HDAC4: variants seen among roughly 807,000 people sequenced by gnomAD.
HDAC4 encodes histone deacetylase 4.
HDAC4 carries 16 observed loss-of-function variants against 135.1 expected under a neutral mutation model. That is an observed-to-expected ratio of 0.12 (90% confidence interval 0.08 to 0.18). The LOEUF (loss-of-function observed/expected upper bound fraction) is 0.18, where lower values mean the gene tolerates loss of function less well. Among genes scored for constraint, HDAC4 ranks in the 10% least tolerant of loss-of-function variants. The pLI is 1.00. For missense variants in HDAC4, 1,143 were observed against 1,511.8 expected (o/e 0.76, Z 4.05); for synonymous variants, 685 against 653.4 (o/e 1.05, Z -0.74).
Position 239,146,411 on chromosome 2 carries a change from G to A in HDAC4, c.734-1697C>T, listed in dbSNP as rs1461719900. Among the ~76,000 whole-genome samples the A allele has an allele frequency of 2.0e-5, 3 of 152,310 alleles. No individual in the cohort carries two copies. The East Asian group carries it at 5.8e-4, about 29-fold the overall frequency. Reference sequence around the variant, plus strand: ...GTGTGTGCCCACAGAAGAGCACAGGGTCCCTGGCCCTGTGTGAAAGGTCTT... The same window carrying A: ...GTGTGTGCCCACAGAAGAGCACAGGATCCCTGGCCCTGTGTGAAAGGTCTT... On this transcript the variant is annotated intron_variant, in intron 7 of 26. Coordinates refer to ENST00000543185, the MANE Select transcript of HDAC4 (RefSeq NM_001378414.1). The surrounding 1 kb of genome is among the most constrained non-coding windows in gnomAD (Gnocchi z 4.5).
intron 3 of HDAC4, chr2:239,190,848 A>C (rs1210017808): frequency 9.7e-6 from 4 of 413,130 alleles, no homozygotes; most frequent in Non-Finnish European, 2.0e-5. Context: ...ATCAATACCA[A>C]ATGAAAGTGA....
chr2:239,071,260 A>T (rs1273219342), intron 22 of HDAC4, among the ~76,000 whole-genome samples: 1 of 152,100 alleles, frequency 6.6e-6, no homozygotes, highest in Non-Finnish European at 1.5e-5. Context: ...TCCACTAAAA[A>T]TACAAAAATC....
At chr2:239,092,341 C>G (rs1449352382) in intron 17 of HDAC4, among the ~76,000 whole-genome samples, 1 of 152,108 alleles carries the variant, frequency 6.6e-6, no homozygotes, top group Non-Finnish European at 1.5e-5. Flanking sequence ...CCAGCAGAGG[C>G]GGGGTCCCAG....
chr2:239,165,491 T>C (rs2043069597), intron 5 of HDAC4, among the ~76,000 whole-genome samples: 1 of 152,178 alleles, frequency 6.6e-6, no homozygotes, highest in Non-Finnish European at 1.5e-5. Flanking sequence ...TCTGTGTGTG[T>C]GTGTGTGTTT....
intron 1 of HDAC4, among the ~76,000 whole-genome samples, chr2:239,365,543 A>G (rs1694133856): frequency 6.6e-6 from 1 of 152,246 alleles, no homozygotes; most frequent in Admixed American, 6.5e-5. Context: ...GGGAGCCAGC[A>G]AGGCTAGGTC....
intron 24 of HDAC4, among the ~76,000 whole-genome samples, chr2:239,063,759 G>A (rs1477985449): frequency 1.3e-5 from 2 of 152,188 alleles, no homozygotes; most frequent in Admixed American, 1.3e-4. Flanking sequence ...CTGACCCCCA[G>A]GGTCACCCTG....
At chr2:239,242,536 T>C (rs893294607) in intron 2 of HDAC4, among the ~76,000 whole-genome samples, 7 of 152,244 alleles carry the variant, frequency 4.6e-5, no homozygotes, top group African/African-American at 1.7e-4. Context: ...ATTTCAATCA[T>C]TTTTCTGTAG....
intron 7 of HDAC4, among the ~76,000 whole-genome samples, chr2:239,150,722 C>T (rs1329731703): frequency 2.1e-5 from 3 of 144,192 alleles, no homozygotes; most frequent in Non-Finnish European, 3.0e-5. Context: ...GGAAGTCTCA[C>T]CACGCTGCAC....
chr2:239,253,634 T>A (rs1441469881), intron 2 of HDAC4, among the ~76,000 whole-genome samples: 1 of 152,176 alleles, frequency 6.6e-6, no homozygotes, highest in Non-Finnish European at 1.5e-5. Context: ...TCGATAAGGA[T>A]CCCTCGCTTC....
At chr2:239,095,098 C>T (rs746976959) in intron 16 of HDAC4, 42 bp from the exon 17 acceptor site, 31 of 1,611,538 alleles carry the variant, frequency 1.9e-5, no homozygotes, top group East Asian at 4.5e-5. Flanking sequence ...CAAGGGCACG[C>T]GGCCAAGGTG....
chr2:239,150,096 T>C (rs2042015129), intron 7 of HDAC4, among the ~76,000 whole-genome samples: 1 of 151,984 alleles, frequency 6.6e-6, no homozygotes, highest in African/African-American at 2.4e-5. Flanking sequence ...TACGTAAAAA[T>C]GGAATAATGG....
intron 15 of HDAC4, among the ~76,000 whole-genome samples, 162 bp downstream of exon 15, chr2:239,107,888 C>A (rs574078135): frequency 1.3e-5 from 2 of 152,234 alleles, no homozygotes; most frequent in African/African-American, 4.8e-5. Flanking sequence ...AGATAGCTGC[C>A]CGCCCAAATG....
Position 239,124,969 on chromosome 2 carries a change from G to A in HDAC4, c.1533+1487C>T, listed in dbSNP as rs561868269. Among the ~76,000 whole-genome samples the A allele has an allele frequency of 1.0e-4, 15 of 150,746 alleles. No homozygotes were observed. The East Asian group carries it at 2.7e-3, about 27-fold the overall frequency. On this transcript the variant is annotated intron_variant, in intron 12 of 26. Coordinates refer to ENST00000543185, the MANE Select transcript of HDAC4 (RefSeq NM_001378414.1). Reference sequence around the variant, plus strand: ...ATTCCACGTTATGTGACATTCTGGTGTGCTGGCGTGTGGCCGCGTTATATG... The same window carrying A: ...ATTCCACGTTATGTGACATTCTGGTATGCTGGCGTGTGGCCGCGTTATATG...
At chr2:239,199,946 G>C (rs1266765987) in intron 3 of HDAC4, among the ~76,000 whole-genome samples, 1 of 152,072 alleles carries the variant, frequency 6.6e-6, no homozygotes, top group Non-Finnish European at 1.5e-5. Flanking sequence ...CACCGTGTTG[G>C]CCAGGATGGT....
chr2:239,380,566 G>GT (rs1695349293), intron 1 of HDAC4, among the ~76,000 whole-genome samples: 2 of 152,136 alleles, frequency 1.3e-5, no homozygotes, highest in Non-Finnish European at 2.9e-5. Flanking sequence ...TTTAATGGGT[G>GT]TATGTTAATA....
intron 22 of HDAC4, among the ~76,000 whole-genome samples, chr2:239,076,153 C>T (rs867574088): frequency 1.1e-4 from 16 of 151,962 alleles, no homozygotes; most frequent in Non-Finnish European, 1.0e-4. Context: ...GGTGCCGGGC[C>T]ACTCTCCTGG....
At chr2:239,178,853 C>A (rs898228945) in intron 4 of HDAC4, among the ~76,000 whole-genome samples, 2 of 152,336 alleles carry the variant, frequency 1.3e-5, no homozygotes, top group East Asian at 3.9e-4. Flanking sequence ...GGGGCTTCCA[C>A]CAGCTGGTGA....
At chr2:239,184,502 G>A (rs558458178) in intron 4 of HDAC4, among the ~76,000 whole-genome samples, 1 of 145,670 alleles carries the variant, frequency 6.9e-6, no homozygotes, top group Admixed American at 6.8e-5. Flanking sequence ...TGCCCTATGG[G>A]GGGGGGTCCC....
At chr2:239,369,551 TA>T (rs1320434969) in intron 1 of HDAC4, among the ~76,000 whole-genome samples, 1 of 152,236 alleles carries the variant, frequency 6.6e-6, no homozygotes, top group East Asian at 1.9e-4. Flanking sequence ...TATTTTAATG[TA>T]AAAAGCAAAG....
Sources: gnomAD v4.1 joint callset for allele counts (sites outside exome capture counted in the v4.1 genomes callset) on GRCh38, gnomAD v4.1.1 for gene constraint, Gnocchi (gnomAD v3.1) non-coding constraint, MANE v1.5 for transcripts, NCBI Gene and HGNC (gene_info 2026-07-23, HGNC 2026-07-21) for gene names.